BZW2: variants seen among roughly 807,000 people sequenced by gnomAD.
BZW2 encodes eIF5-mimic protein 1.
A neutral mutation model predicts 53.2 loss-of-function variants in BZW2; 23 were observed. That is an observed-to-expected ratio of 0.43 (90% CI 0.31 to 0.61). The LOEUF (loss-of-function observed/expected upper bound fraction) is 0.61. Ranked by LOEUF, BZW2 falls within the 20% of genes least tolerant of loss-of-function variation. The pLI is 0.09. For synonymous variants in BZW2, 227 were observed against 186.4 expected (o/e 1.22, Z -1.77); for missense variants, 409 against 503.1 (o/e 0.81, Z 1.79).
intron 1 of BZW2, among the ~76,000 whole-genome samples, chr7:16,652,370 C>T (rs771916491): frequency 2.6e-5 from 4 of 152,030 alleles, no homozygotes; most frequent in Non-Finnish European, 5.9e-5. Context: ...TTGTTCTGCC[C>T]GATTGTGCAA....
intron 1 of BZW2, among the ~76,000 whole-genome samples, chr7:16,651,693 A>G (rs1781986930): frequency 6.6e-6 from 1 of 152,198 alleles, no homozygotes; most frequent in African/African-American, 2.4e-5. Flanking sequence ...GCTAGAAATT[A>G]TGGTGCCATA....
chr7:16,695,474 G>A (rs1783450688), intron 8 of BZW2, among the ~76,000 whole-genome samples: 1 of 152,194 alleles, frequency 6.6e-6, no homozygotes, highest in Non-Finnish European at 1.5e-5. Context: ...CATGGGAAAA[G>A]ACTAGTTGGA....
intron 3 of BZW2, among the ~76,000 whole-genome samples, chr7:16,675,243 G>A (rs1782730889): frequency 1.3e-5 from 2 of 152,080 alleles, no homozygotes. Context: ...AGTTCTTATC[G>A]TTAGTTCCTG....
rs905021382 is a variant in BZW2 at position 16,706,233 on chromosome 7, GGTTTTGTTTTT to G, written c.*157_*167del. On this transcript the variant is annotated 3_prime_UTR_variant, in exon 12 of 12. Transcript: ENST00000258761. The stretch of plus-strand genomic sequence containing the variant: ...GCTTCCCTTGTGCAGAGGGAGAAAT[GGTTTTGTTTTT>G]GTTTTGTTTTTAAATGGAGCCCTGA... 2 of 881,066 alleles carry G rather than the reference GGTTTTGTTTTT, an allele frequency of 2.3e-6. No homozygotes were observed. Among genetic ancestry groups the G allele is most frequent in the Non-Finnish European group, 1.7e-6 (1 of 579,692 alleles). 54.6% of individuals were successfully genotyped at this position (881,066 alleles called of 1,614,324 possible).
chr7:16,676,713 C>T (rs1213703156), intron 3 of BZW2, among the ~76,000 whole-genome samples: 2 of 152,040 alleles, frequency 1.3e-5, no homozygotes, highest in East Asian at 1.9e-4. Flanking sequence ...TCTAGTATTT[C>T]GTTAATTATG....
intron 3 of BZW2, among the ~76,000 whole-genome samples, chr7:16,677,289 T>A (rs1782796001): frequency 6.6e-6 from 1 of 152,154 alleles, no homozygotes; most frequent in Non-Finnish European, 1.5e-5. Flanking sequence ...TGGTCGGGTG[T>A]GAGCTAAGTT....
chr7:16,686,087 T>A (rs780259551), intron 6 of BZW2, 47 bp downstream of exon 6: 4 of 1,602,722 alleles, frequency 2.5e-6, no homozygotes, highest in Non-Finnish European at 3.4e-6. Context: ...AAAAGAAAAA[T>A]AAAGTCACAG....
At chr7:16,696,854 C>G (rs7796792) in intron 8 of BZW2, 61 bp from the exon 9 acceptor site, 857,399 of 1,566,184 alleles carry the variant, frequency 0.55, 237,528 homozygotes, top group African/African-American at 0.63. Context: ...GGGCAGCTAG[C>G]GGGGAGATGG....
At chr7:16,691,105 T>C (rs1178866368) in intron 7 of BZW2, among the ~76,000 whole-genome samples, 1 of 152,250 alleles carries the variant, frequency 6.6e-6, no homozygotes, top group Non-Finnish European at 1.5e-5. Flanking sequence ...AAGTTTACCT[T>C]AAATAGATTT....
chr7:16,681,454 T>A (rs1235378440), intron 4 of BZW2, 50 bp downstream of exon 4: 13 of 1,471,358 alleles, frequency 8.8e-6, no homozygotes, highest in Non-Finnish European at 1.1e-5. Flanking sequence ...TGAGGAAAAC[T>A]CTATAGAAGC....
At chr7:16,656,150 T>C (rs199666775) in intron 1 of BZW2, among the ~76,000 whole-genome samples, 22 of 150,246 alleles carry the variant, frequency 1.5e-4, no homozygotes, top group African/African-American at 4.2e-4. Context: ...TATATATATA[T>C]ACATAAATAT....
intron 2 of BZW2, among the ~76,000 whole-genome samples, chr7:16,670,013 C>T (rs1165235701): frequency 6.6e-6 from 1 of 152,170 alleles, no homozygotes; most frequent in African/African-American, 2.4e-5. Context: ...CCAAAGTTGT[C>T]TTGTTTCTCA....
intron 1 of BZW2, among the ~76,000 whole-genome samples, chr7:16,664,513 A>T (rs936310408): frequency 6.6e-6 from 1 of 152,222 alleles, no homozygotes; most frequent in Non-Finnish European, 1.5e-5. Context: ...TATCTGGCCT[A>T]TTGGAAGAAC....
At chr7:16,685,796 C>T (rs982937660) in intron 5 of BZW2, 109 bp from the exon 6 acceptor site, 16 of 1,318,256 alleles carry the variant, frequency 1.2e-5, no homozygotes, top group Non-Finnish European at 1.6e-5. Context: ...TGCCACGTAG[C>T]CATGGATGTT....
chr7:16,702,922 C>A (rs937988994), intron 10 of BZW2, among the ~76,000 whole-genome samples: 2 of 152,142 alleles, frequency 1.3e-5, no homozygotes, highest in Non-Finnish European at 2.9e-5. Context: ...GGCAGGAAGA[C>A]ATGATCCAAA....
intron 10 of BZW2, among the ~76,000 whole-genome samples, chr7:16,703,531 A>T (rs1166003824): frequency 6.6e-6 from 1 of 152,222 alleles, no homozygotes; most frequent in Non-Finnish European, 1.5e-5. Context: ...AGATATCATT[A>T]AAGTAATTTA....
At chr7:16,671,701 C>T (rs1385216808) in intron 2 of BZW2, among the ~76,000 whole-genome samples, 1 of 152,046 alleles carries the variant, frequency 6.6e-6, no homozygotes, top group Non-Finnish European at 1.5e-5. Context: ...GAGGCCAAGG[C>T]AGGTGGATCT....
At chr7:16,679,554 A>G (rs1434926742) in intron 3 of BZW2, among the ~76,000 whole-genome samples, 1 of 152,252 alleles carries the variant, frequency 6.6e-6, no homozygotes, top group Non-Finnish European at 1.5e-5. Flanking sequence ...TAAGCTAAGG[A>G]AAGTATAACT....
intron 1 of BZW2, among the ~76,000 whole-genome samples, chr7:16,649,511 G>A (rs1562472729): frequency 6.6e-6 from 1 of 152,098 alleles, no homozygotes; most frequent in Non-Finnish European, 1.5e-5. Context: ...TACAAATTTG[G>A]CATGCCATTC....
Sources: allele counts gnomAD v4.1 joint callset (sites outside exome capture counted in the v4.1 genomes callset), GRCh38; gene constraint gnomAD v4.1.1; transcripts MANE v1.5; gene names NCBI Gene and HGNC (gene_info 2026-07-23, HGNC 2026-07-21).